HS2ST1: variants seen among roughly 807,000 people sequenced by gnomAD.
HS2ST1 encodes 2-O-sulfotransferase.
A neutral mutation model predicts 42.9 loss-of-function variants in HS2ST1; 18 were observed. The observed-to-expected ratio is 0.42, with a 90% CI of 0.29 to 0.62. The LOEUF (loss-of-function observed/expected upper bound fraction) is 0.62. HS2ST1 is among the 20% of genes least tolerant of loss of function. The pLI is 0.21. For synonymous variants in HS2ST1, 146 were observed against 152.9 expected (o/e 0.95, Z 0.33); for missense variants, 334 against 433.8 (o/e 0.77, Z 2.04).
chr1:87,006,689 A>G (rs1330966155), intron 1 of HS2ST1, among the ~76,000 whole-genome samples: 2 of 152,126 alleles, frequency 1.3e-5, no homozygotes, highest in African/African-American at 2.4e-5. Flanking sequence ...GTAAAGGTAA[A>G]TCATGCTATG....
chr1:87,098,133 T>A (rs914756945), intron 5 of HS2ST1, 198 bp downstream of exon 5: 2 of 1,260,428 alleles, frequency 1.6e-6, no homozygotes, highest in African/African-American at 3.1e-5. Flanking sequence ...TATCCTAATA[T>A]CCTTGCATTG....
At chr1:86,926,092 G>A (rs1660411182) in intron 1 of HS2ST1, among the ~76,000 whole-genome samples, 2 of 152,130 alleles carry the variant, frequency 1.3e-5, no homozygotes, top group African/African-American at 4.8e-5. Flanking sequence ...AAAGCCTTTA[G>A]CCTAGGACTA....
At chr1:86,983,094 T>C (rs1215573325) in intron 1 of HS2ST1, among the ~76,000 whole-genome samples, 8 of 152,302 alleles carry the variant, frequency 5.3e-5, no homozygotes, top group Admixed American at 5.2e-4. Context: ...ACTTTCCCTC[T>C]TTCTGTCTTT....
At chr1:87,005,049 C>T (rs1289792676) in intron 1 of HS2ST1, among the ~76,000 whole-genome samples, 2 of 152,218 alleles carry the variant, frequency 1.3e-5, no homozygotes, top group Non-Finnish European at 2.9e-5. Context: ...AATCAGCTTT[C>T]CACAGGATGG....
intron 5 of HS2ST1, among the ~76,000 whole-genome samples, chr1:87,098,867 C>T (rs1001993194): frequency 1.4e-4 from 21 of 152,246 alleles, no homozygotes; most frequent in Admixed American, 7.2e-4. Context: ...CTGCAACCTC[C>T]GCCTCCTGGG....
intron 1 of HS2ST1, among the ~76,000 whole-genome samples, chr1:86,959,311 T>C (rs185754886): frequency 6.6e-6 from 1 of 152,320 alleles, no homozygotes; most frequent in Admixed American, 6.5e-5. Flanking sequence ...ACAAATGACA[T>C]GTTGGTATAT....
intron 1 of HS2ST1, among the ~76,000 whole-genome samples, chr1:87,029,977 A>G (rs1650187921): frequency 6.6e-6 from 1 of 152,230 alleles, no homozygotes; most frequent in African/African-American, 2.4e-5. Flanking sequence ...AAAGGAAAGC[A>G]AATTTGTATA....
At chr1:86,995,067 CT>C (rs1234255259) in intron 1 of HS2ST1, among the ~76,000 whole-genome samples, 1 of 151,866 alleles carries the variant, frequency 6.6e-6, no homozygotes, top group African/African-American at 2.4e-5. Flanking sequence ...GGATTTTTTT[CT>C]TCCTTTCCCA....
intron 1 of HS2ST1, among the ~76,000 whole-genome samples, chr1:86,930,588 T>C (rs1344905215): frequency 6.6e-6 from 1 of 151,930 alleles, no homozygotes; most frequent in East Asian, 1.9e-4. Context: ...ACCTTACCAT[T>C]TTCTAAGTAG....
At chr1:87,063,229 G>C (rs1428668767) in intron 1 of HS2ST1, among the ~76,000 whole-genome samples, 1 of 152,024 alleles carries the variant, frequency 6.6e-6, no homozygotes, top group Non-Finnish European at 1.5e-5. Flanking sequence ...CTGCTGTTAG[G>C]TTCAGTAATT....
At chr1:87,102,087 T>C (rs1021358668) in intron 5 of HS2ST1, among the ~76,000 whole-genome samples, 4 of 152,098 alleles carry the variant, frequency 2.6e-5, no homozygotes, top group Non-Finnish European at 5.9e-5. Flanking sequence ...GACAAAGTTT[T>C]GCTCTTGTCG....
Position 87,065,970 on chromosome 1 carries a change from C to A in HS2ST1, c.125-6964C>A, listed in dbSNP as rs200540294. ...TTATTGCTCTTTCTCTTTGCTGTTT[C>A]TTATATCCCTCTCGTCCTAAAATGT... On this transcript the variant is annotated intron_variant, in intron 1 of 6. Coordinates refer to ENST00000370550, the MANE Select transcript of HS2ST1 (RefSeq NM_012262.4). Among the ~76,000 whole-genome samples, 3 of 152,040 alleles carry A rather than the reference C, an allele frequency of 2.0e-5. No individual in the cohort carries two copies. The East Asian group carries it at 5.8e-4, about 29-fold the overall frequency.
At chr1:86,967,412 T>G (rs1005589074) in intron 1 of HS2ST1, among the ~76,000 whole-genome samples, 1 of 152,172 alleles carries the variant, frequency 6.6e-6, no homozygotes, top group Non-Finnish European at 1.5e-5. Context: ...TAGTGTACAT[T>G]GTACCCAATA....
intron 2 of HS2ST1, among the ~76,000 whole-genome samples, chr1:87,079,915 G>A (rs1651642399): frequency 6.6e-6 from 1 of 150,992 alleles, no homozygotes; most frequent in South Asian, 2.1e-4. Context: ...TGGCATGGTG[G>A]TGTACTCCTG....
At chr1:87,051,589 A>T (rs1198024530) in intron 1 of HS2ST1, among the ~76,000 whole-genome samples, 1 of 152,218 alleles carries the variant, frequency 6.6e-6, no homozygotes, top group Non-Finnish European at 1.5e-5. Flanking sequence ...TTTTTCTTAC[A>T]CTTGTTTCAT....
At chr1:86,972,174 G>A (rs951455146) in intron 1 of HS2ST1, among the ~76,000 whole-genome samples, 2 of 152,014 alleles carry the variant, frequency 1.3e-5, no homozygotes, top group East Asian at 1.9e-4. Context: ...TTTAAAAAAC[G>A]TTTTGTGTTT....
chr1:86,974,560 C>T (rs1346496900), intron 1 of HS2ST1, among the ~76,000 whole-genome samples: 1 of 152,170 alleles, frequency 6.6e-6, no homozygotes, highest in African/African-American at 2.4e-5. Context: ...CCAATCCAAA[C>T]AGAAGTTTGT....
intron 1 of HS2ST1, chr1:87,064,412 G>A: frequency 3.9e-6 from 2 of 508,460 alleles, no homozygotes; most frequent in Non-Finnish European, 7.8e-6. Flanking sequence ...GGTGTACTCA[G>A]AAGGGGCAAT....
chr1:87,088,361 A>T (rs546599290), intron 3 of HS2ST1, among the ~76,000 whole-genome samples: 2 of 152,052 alleles, frequency 1.3e-5, no homozygotes. Flanking sequence ...TTCATTTAAC[A>T]TGATGCTTTT....
Sources: allele counts gnomAD v4.1 joint callset (sites outside exome capture counted in the v4.1 genomes callset), GRCh38; gene constraint gnomAD v4.1.1; transcripts MANE v1.5; gene names NCBI Gene and HGNC (gene_info 2026-07-23, HGNC 2026-07-21).